ZNF536: variants seen among roughly 807,000 people sequenced by gnomAD.
ZNF536 encodes the protein zinc finger protein 536.
Under a neutral mutation model 84.5 loss-of-function variants are expected in ZNF536, and 13 were observed. That is an observed-to-expected ratio of 0.15 (90% CI 0.10 to 0.24). The LOEUF (loss-of-function observed/expected upper bound fraction) is 0.24. Among genes scored for constraint, ZNF536 ranks in the 10% least tolerant of loss-of-function variants. ZNF536 has a pLI of 1.00. For synonymous variants in ZNF536, 811 were observed against 742.5 expected, an observed-to-expected ratio of 1.09 and a Z score of -1.50; for missense variants, 1,536 against 1,747.5, an observed-to-expected ratio of 0.88 and a Z score of 2.16.
chr19:30,245,868 G>T (rs542484313), intron 1 of ZNF536, among the ~76,000 whole-genome samples: 5 of 152,256 alleles, frequency 3.3e-5, no homozygotes, highest in South Asian at 2.1e-4. Flanking sequence ...AGTCCCTGCT[G>T]CAGGCCTCTT....
At chr19:30,456,765 G>A (rs1291623150) in intron 2 of ZNF536, among the ~76,000 whole-genome samples, 1 of 152,132 alleles carries the variant, frequency 6.6e-6, no homozygotes, top group South Asian at 2.1e-4. Flanking sequence ...GTAGAGGCCG[G>A]GCACGGTGGC....
intron 1 of ZNF536, among the ~76,000 whole-genome samples, chr19:30,568,475 C>G (rs1251643279): frequency 6.6e-6 from 1 of 152,086 alleles, no homozygotes; most frequent in African/African-American, 2.4e-5. Context: ...AAACTTTTTA[C>G]TTTTTAAAAG....
chr19:30,376,005 A>C (rs1205172024), intron 1 of ZNF536, among the ~76,000 whole-genome samples: 1 of 152,044 alleles, frequency 6.6e-6, no homozygotes, highest in Non-Finnish European at 1.5e-5. Context: ...GTATATCTGC[A>C]TGGGTGATGA....
intron 1 of ZNF536, among the ~76,000 whole-genome samples, chr19:30,402,154 A>G (rs1174203292): frequency 6.6e-6 from 1 of 152,180 alleles, no homozygotes; most frequent in Non-Finnish European, 1.5e-5. Flanking sequence ...CATACTAGCA[A>G]CGGTAAACAC....
At chr19:30,252,237 G>A (rs771365547) in intron 1 of ZNF536, among the ~76,000 whole-genome samples, 8 of 152,038 alleles carry the variant, frequency 5.3e-5, no homozygotes, top group East Asian at 1.9e-4. Flanking sequence ...AATCAAAACC[G>A]CAATGCAATA....
intron 1 of ZNF536, among the ~76,000 whole-genome samples, chr19:30,617,572 G>A (rs562050408): frequency 1.2e-4 from 18 of 151,166 alleles, no homozygotes; most frequent in East Asian, 3.9e-4. Flanking sequence ...GGATGGTCTC[G>A]ATCTCCTGAC....
chr19:30,400,986 T>C (rs1269737145), intron 1 of ZNF536, among the ~76,000 whole-genome samples: 2 of 152,212 alleles, frequency 1.3e-5, no homozygotes, highest in Non-Finnish European at 2.9e-5. Flanking sequence ...AAAAGTTTCA[T>C]AGTTTTATGC....
intron 1 of ZNF536, among the ~76,000 whole-genome samples, chr19:30,694,722 G>A (rs903158053): frequency 2.0e-5 from 3 of 152,164 alleles, no homozygotes; most frequent in African/African-American, 7.2e-5. Context: ...ATGTGGGCCT[G>A]CAGCTTGTAA....
chr19:30,379,693 CA>C (rs1459604335), intron 1 of ZNF536, among the ~76,000 whole-genome samples: 1 of 151,390 alleles, frequency 6.6e-6, no homozygotes, highest in Non-Finnish European at 1.5e-5. Flanking sequence ...GTAGGCTGCT[CA>C]GGGGTGGTGC....
At chr19:30,652,040 T>C (rs2049726656) in intron 1 of ZNF536, among the ~76,000 whole-genome samples, 1 of 152,258 alleles carries the variant, frequency 6.6e-6, no homozygotes. Flanking sequence ...TCAGTCTTCA[T>C]GTTATGTTTA....
At chr19:30,380,339 C>G (rs1016767344) in intron 1 of ZNF536, among the ~76,000 whole-genome samples, 10 of 152,132 alleles carry the variant, frequency 6.6e-5, no homozygotes, top group Admixed American at 1.3e-4. Flanking sequence ...AAACTTCGTC[C>G]TTGCAAATGG....
chr19:30,512,495 G>A (rs1599644691), intron 2 of ZNF536, among the ~76,000 whole-genome samples: 5 of 151,864 alleles, frequency 3.3e-5, no homozygotes, highest in Admixed American at 3.3e-4. Context: ...TTGCCATGCA[G>A]GTCAAAACAG....
chr19:30,672,383 G>A (rs569535579), intron 1 of ZNF536, among the ~76,000 whole-genome samples: 4 of 152,328 alleles, frequency 2.6e-5, no homozygotes, highest in South Asian at 2.1e-4. Flanking sequence ...GAATGCATGC[G>A]TTTGAAATAG....
intron 2 of ZNF536, among the ~76,000 whole-genome samples, chr19:30,465,568 G>C (rs1355578657): frequency 2.0e-5 from 3 of 152,054 alleles, no homozygotes; most frequent in Non-Finnish European, 4.4e-5. Flanking sequence ...TACAGACTCA[G>C]TAAACACTTT....
At position 30,378,832 on chromosome 19, in the gene ZNF536, C is replaced by T. The variant is rs183408315; in HGVS notation, c.-3+6276C>T. 1.5e-4 allele frequency among the ~76,000 whole-genome samples: 23 copies of T among 152,320 alleles called. No individual in the cohort carries two copies. The East Asian group carries it at 3.5e-3, about 23-fold the overall frequency. The stretch of plus-strand genomic sequence containing the variant: ...TGGCTTGTCTCTGTTCTGGACCTCC[C>T]GAAGTTGTTCACTTCAAGTTTTGAC... On this transcript the variant is annotated intron_variant, in intron 1 of 4. Transcript: ENST00000355537.
intron 2 of ZNF536, among the ~76,000 whole-genome samples, chr19:30,287,842 T>C (rs2045702843): frequency 6.6e-6 from 1 of 151,826 alleles, no homozygotes; most frequent in Non-Finnish European, 1.5e-5. Context: ...AATGGATGAG[T>C]GGGTGGATGG....
intron 1 of ZNF536, among the ~76,000 whole-genome samples, chr19:30,587,914 T>C (rs965463317): frequency 4.6e-5 from 7 of 152,112 alleles, no homozygotes; most frequent in Non-Finnish European, 5.9e-5. Flanking sequence ...GCTTCTGTAA[T>C]TGGTGCATTA....
chr19:30,466,364 A>G (rs1486131477), intron 2 of ZNF536, among the ~76,000 whole-genome samples: 1 of 147,156 alleles, frequency 6.8e-6, no homozygotes, highest in African/African-American at 2.6e-5. Flanking sequence ...CAACAAAGCG[A>G]AACTCCATTG....
intron 1 of ZNF536, among the ~76,000 whole-genome samples, chr19:30,230,099 C>T (rs1013576334): frequency 6.6e-6 from 1 of 152,180 alleles, no homozygotes; most frequent in African/African-American, 2.4e-5. Context: ...TACCTTCAGC[C>T]CCTTAACTGT....
Sources: allele counts gnomAD v4.1 joint callset (sites outside exome capture counted in the v4.1 genomes callset), GRCh38; gene constraint gnomAD v4.1.1; transcripts MANE v1.5; gene names NCBI Gene and HGNC (gene_info 2026-07-23, HGNC 2026-07-21).